The following ANKRD27 variants were observed in gnomAD, a reference collection of about 807,000 sequenced individuals.
The protein encoded by ANKRD27 is ankyrin repeat domain 27.
A neutral mutation model predicts 129.7 loss-of-function variants in ANKRD27; 112 were observed. The observed-to-expected ratio is 0.86, with a 90% CI of 0.74 to 1.01. The LOEUF (loss-of-function observed/expected upper bound fraction) is 1.01, where lower values mean the gene tolerates loss of function less well. Among genes scored for constraint, ANKRD27 ranks in the 50% least tolerant of loss-of-function variants. The probability of loss-of-function intolerance (pLI) is 0.00; values close to 1 mark genes in which losing one functional copy is unlikely to be tolerated. For synonymous variants in ANKRD27, 516 were observed against 511.2 expected, an observed-to-expected ratio of 1.01 and a Z score of -0.13; for missense variants, 1,258 against 1,300.5, an observed-to-expected ratio of 0.97 and a Z score of 0.50.
rs1211112423 is a variant in ANKRD27 at position 32,626,166 on chromosome 19, T to C, written c.1537-200A>G. Among the ~76,000 whole-genome samples the C allele has an allele frequency of 2.6e-5, 4 of 152,226 alleles. No individual in the cohort carries two copies. The East Asian group carries it at 7.7e-4, about 29-fold the overall frequency. On this transcript the variant is annotated intron_variant, in intron 16 of 28. Transcript: ENST00000306065. ...TAAAGCCCCACCTTTTCTTCCCCCA[T>C]ATGATCAGGAAGTTTTTCTTTTTAG...
chr19:32,644,304 G>A (rs1458808547), intron 5 of ANKRD27, 21 bp downstream of exon 5: 17 of 1,604,336 alleles, frequency 1.1e-5, no homozygotes, highest in Admixed American at 1.7e-5. Context: ...ACGCCAGGCA[G>A]AGGACAGCAC....
At chr19:32,605,765 G>A in intron 24 of ANKRD27, 70 bp downstream of exon 24, 6 of 1,580,410 alleles carry the variant, frequency 3.8e-6, no homozygotes, top group Non-Finnish European at 5.2e-6. Flanking sequence ...TGCGCTGCGG[G>A]GGTCGCTGGG....
At chr19:32,646,324 C>T in intron 4 of ANKRD27, 135 bp downstream of exon 4, 1 of 791,064 alleles carries the variant, frequency 1.3e-6, no homozygotes, top group Non-Finnish European at 2.0e-6. Context: ...GTGCCTCGGC[C>T]TCCCAAAGTG....
At chr19:32,657,242 T>A (rs1967556262) in intron 2 of ANKRD27, among the ~76,000 whole-genome samples, 1 of 151,802 alleles carries the variant, frequency 6.6e-6, no homozygotes, top group Non-Finnish European at 1.5e-5. Flanking sequence ...GGCGGGTGGA[T>A]CACGAGGTCA....
rs1324307882 is a variant in ANKRD27 at position 32,630,776 on chromosome 19, G to A, written c.1209+626C>T. Among the ~76,000 whole-genome samples the A allele has an allele frequency of 4.6e-5, 7 of 152,034 alleles. No homozygotes were observed. The East Asian group carries it at 1.2e-3, about 25-fold the overall frequency. On this transcript the variant is annotated intron_variant, in intron 13 of 28. Coordinates refer to ENST00000306065, the MANE Select transcript of ANKRD27 (RefSeq NM_032139.3). ...CTCCTGAGCAGCTAGGACTACAGGT[G>A]CCCGCCACCACACCTGGCTAATTTT... is the stretch of plus-strand genomic sequence containing the variant.
chr19:32,665,680 C>T (rs895865672), intron 1 of ANKRD27, among the ~76,000 whole-genome samples: 30 of 151,754 alleles, frequency 2.0e-4, no homozygotes, highest in African/African-American at 6.5e-4. Context: ...AGGATGGTCT[C>T]GATCTCCTGA....
chr19:32,645,633 T>G (rs1251618472), intron 4 of ANKRD27, among the ~76,000 whole-genome samples: 5 of 151,942 alleles, frequency 3.3e-5, no homozygotes, highest in Admixed American at 3.3e-4. Context: ...TTTTTATTTT[T>G]ATTTTTATCT....
Position 32,639,456 on chromosome 19 carries a change from C to A in ANKRD27, c.1016G>T (p.Arg339Met), listed in dbSNP as rs1487327029. The A allele has an allele frequency of 6.2e-7, 1 of 1,613,672 alleles. No individual in the cohort carries two copies. The highest frequency in any genetic ancestry group is 2.2e-5 in the East Asian group (1 of 44,872). Residue 339 changes from arginine (R) to methionine (M), a missense_variant, in exon 12 of 29, where the codon AGG becomes ATG. Arg to Met is a moderately conservative substitution (Grantham distance 91). Coordinates refer to ENST00000306065, the MANE Select transcript of ANKRD27 (RefSeq NM_032139.3). ...TTCATCCTTTGCCAAGCTGCTAAAC[C>A]TGAAGTTTTTGATGTAACTCAAATT... ...MANLSYIKNFRFSSLAKDELG... is the reference protein window; with the variant it reads ...MANLSYIKNFMFSSLAKDELG...
At chr19:32,632,588 A>T (rs1396326880) in intron 12 of ANKRD27, among the ~76,000 whole-genome samples, 1 of 30,362 alleles carries the variant, frequency 3.3e-5, no homozygotes, top group Non-Finnish European at 9.4e-5. Flanking sequence ...CCATCTCAAA[A>T]AAAAAAAAAA....
At chr19:32,615,557 C>T (rs1178484609) in intron 22 of ANKRD27, 101 bp downstream of exon 22, 21 of 1,596,982 alleles carry the variant, frequency 1.3e-5, no homozygotes, top group Non-Finnish European at 1.7e-5. Context: ...GCACTCCGGC[C>T]TGGGTGACAG....
chr19:32,658,920 ATGGATT>A lies in ANKRD27; in HGVS notation c.90_95del (p.Gln30_Ile31del). The A allele has an allele frequency of 6.2e-7, 1 of 1,613,964 alleles. No individual in the cohort carries two copies. The highest frequency in any genetic ancestry group is 8.5e-7 in the Non-Finnish European group (1 of 1,179,932). The stretch of plus-strand genomic sequence containing the variant: ...CGAGGCTCAGTGCACTTACAATGCC[ATGGATT>A]TGGGCCACTTTGCTGCACAAGTCAG... On this transcript the variant is annotated inframe_deletion, in exon 2 of 29. Coordinates refer to ENST00000306065, the MANE Select transcript of ANKRD27 (RefSeq NM_032139.3).
chr19:32,649,617 C>A (rs1329556995), intron 3 of ANKRD27, 65 bp downstream of exon 3: 34 of 1,107,870 alleles, frequency 3.1e-5, no homozygotes, highest in Non-Finnish European at 4.6e-5. Flanking sequence ...ACGGGACTCT[C>A]TTCCTCCCCT....
chr19:32,636,496 C>T (rs990128339), intron 12 of ANKRD27: 2 of 124,370 alleles, frequency 1.6e-5, no homozygotes, highest in African/African-American at 4.2e-5. Flanking sequence ...TGCTGGCTCA[C>T]ATGCCTCAAA....
rs370093443 is a variant in ANKRD27 at position 32,619,383 on chromosome 19, C to A, written c.1888-4G>T. ...GCTGCGGGGACTGCACAGGGGCCTGCAGCCAAGGAGCCCCAACGAGAGAGA... is the reference window on the plus strand; with the variant it reads ...GCTGCGGGGACTGCACAGGGGCCTGAAGCCAAGGAGCCCCAACGAGAGAGA... On this transcript the variant is annotated splice_region_variant and splice_polypyrimidine_tract_variant and intron_variant, in intron 19 of 28. Transcript: ENST00000306065. 3.7e-6 allele frequency: 6 copies of A among 1,613,592 alleles called. No individual in the cohort carries two copies. In the Admixed American group the frequency reaches 8.3e-5, roughly 22 times the overall value.
chr19:32,606,698 T>C (rs902545903), intron 23 of ANKRD27, among the ~76,000 whole-genome samples: 10 of 152,154 alleles, frequency 6.6e-5, no homozygotes, highest in African/African-American at 2.4e-4. Context: ...TGAAGCTCTA[T>C]GCTAGGTGTT....
In ANKRD27 at chr19:32,643,361, T is replaced by C. The variant is rs1399894229; in HGVS notation, c.640-9A>G. The stretch of plus-strand genomic sequence containing the variant: ...TCATGATGGACGTATATCTGTGGAA[T>C]CAACAGACCCCATTCAGGGTGTGAG... On this transcript the variant is annotated splice_polypyrimidine_tract_variant and intron_variant, in intron 7 of 28. Coordinates refer to ENST00000306065, the MANE Select transcript of ANKRD27 (RefSeq NM_032139.3). 1.2e-6 allele frequency: 2 copies of C among 1,613,760 alleles called. No individual in the cohort carries two copies. The highest frequency in any genetic ancestry group is 2.7e-5 in the African/African-American group (2 of 74,856).
chr19:32,649,660 T>C (rs1299840413), intron 3 of ANKRD27, 22 bp downstream of exon 3: 12 of 1,531,888 alleles, frequency 7.8e-6, no homozygotes, highest in Admixed American at 1.7e-5. Context: ...TGACCCTGGC[T>C]GATCCACCAA....
At chr19:32,606,445 C>A (rs372915102) in intron 23 of ANKRD27, among the ~76,000 whole-genome samples, 197 of 152,216 alleles carry the variant, frequency 1.3e-3, no homozygotes, top group African/African-American at 4.0e-3. Context: ...TGAGCCACCA[C>A]GCCCAGCCGT....
In ANKRD27 at chr19:32,603,399, A is replaced by G. The variant is rs185191558; in HGVS notation, c.2655+864T>C. Among the ~76,000 whole-genome samples the G allele has an allele frequency of 2.9e-3, 435 of 152,262 alleles. 3 individuals carry two copies. Among genetic ancestry groups the G allele is most frequent in the Non-Finnish European group, 3.5e-3 (237 of 68,032 alleles). On this transcript the variant is annotated intron_variant, in intron 25 of 28. Coordinates refer to ENST00000306065, the MANE Select transcript of ANKRD27 (RefSeq NM_032139.3). ...GTCTATCTTGGGTAGAAAACAAAAG[A>G]AAGACTCAGCAGGAAAACAGGAACA...
Sources: gnomAD v4.1 joint callset for allele counts (sites outside exome capture counted in the v4.1 genomes callset) on GRCh38, gnomAD v4.1.1 for gene constraint, MANE v1.5 for transcripts, NCBI Gene and HGNC (gene_info 2026-07-23, HGNC 2026-07-21) for gene names.